The following CNBD1 variants were observed in gnomAD, a reference collection of about 807,000 sequenced individuals.
CNBD1 encodes cyclic nucleotide-binding domain-containing protein 1.
CNBD1 carries 71 observed loss-of-function variants against 54.4 expected under a neutral mutation model. The ratio of observed to expected loss-of-function variants is 1.30; its 90% CI spans 1.08 to 1.59. The LOEUF (loss-of-function observed/expected upper bound fraction) is 1.59. Ranked by LOEUF, CNBD1 falls within the 40% of genes most tolerant of loss-of-function variation. The probability of loss-of-function intolerance (pLI) is 0.00; values close to 1 mark genes in which losing one functional copy is unlikely to be tolerated. For synonymous variants in CNBD1, 182 were observed against 170.7 expected, an observed-to-expected ratio of 1.07 and a Z score of -0.51; for missense variants, 659 against 518.0, an observed-to-expected ratio of 1.27 and a Z score of -2.64.
Position 87,299,424 on chromosome 8 carries a change from G to T in CNBD1, c.1042+12753G>T, listed in dbSNP as rs1808942244. On this transcript the variant is annotated intron_variant, in intron 8 of 10. Transcript: ENST00000518476. ...GAAGCTTTTATTGCTGTAATAAACA[G>T]AAAGAAATAGACATATGGTTAAAAA... 2.6e-5 allele frequency among the ~76,000 whole-genome samples: 4 copies of T among 152,154 alleles called. No homozygotes were observed. In the South Asian group the frequency reaches 8.3e-4, roughly 31 times the overall value.
chr8:86,947,898 C>T (rs773363922), intron 4 of CNBD1, among the ~76,000 whole-genome samples: 1 of 152,074 alleles, frequency 6.6e-6, no homozygotes, highest in African/African-American at 2.4e-5. Flanking sequence ...CCTACCTCCT[C>T]CCAACCACCC....
intron 6 of CNBD1, among the ~76,000 whole-genome samples, chr8:87,273,368 T>C (rs1051988408): frequency 7.1e-6 from 1 of 141,652 alleles, no homozygotes; most frequent in African/African-American, 2.8e-5. Context: ...ACGTTCTGCC[T>C]CTTTACGATT....
At chr8:87,120,355 G>A (rs563169861) in intron 4 of CNBD1, among the ~76,000 whole-genome samples, 1 of 151,902 alleles carries the variant, frequency 6.6e-6, no homozygotes, top group African/African-American at 2.4e-5. Flanking sequence ...CATTTTGTCA[G>A]TGTATAGTTG....
intron 10 of CNBD1, among the ~76,000 whole-genome samples, chr8:87,361,185 G>T (rs1810518416): frequency 6.6e-6 from 1 of 151,850 alleles, no homozygotes; most frequent in African/African-American, 2.4e-5. Flanking sequence ...TTTTAAATCA[G>T]ATAAAAATGC....
At chr8:87,042,214 T>C (rs1294086770) in intron 4 of CNBD1, among the ~76,000 whole-genome samples, 25 of 152,218 alleles carry the variant, frequency 1.6e-4, no homozygotes, top group Non-Finnish European at 1.5e-4. Context: ...CTGTCTTAGA[T>C]ACTAACTTTG....
At chr8:87,264,243 T>A (rs1266913015) in intron 6 of CNBD1, among the ~76,000 whole-genome samples, 1 of 151,480 alleles carries the variant, frequency 6.6e-6, no homozygotes, top group Non-Finnish European at 1.5e-5. Flanking sequence ...TGAGAACATG[T>A]GGTGTTTGGT....
intron 3 of CNBD1, among the ~76,000 whole-genome samples, chr8:86,911,489 G>T (rs1323861481): frequency 6.6e-6 from 1 of 152,158 alleles, no homozygotes; most frequent in Non-Finnish European, 1.5e-5. Flanking sequence ...GTAGATGTAT[G>T]TATTTTTGGA....
At chr8:86,909,874 A>G (rs556890602) in intron 3 of CNBD1, among the ~76,000 whole-genome samples, 6 of 152,296 alleles carry the variant, frequency 3.9e-5, no homozygotes, top group African/African-American at 1.4e-4. Context: ...CCTTTTCTAT[A>G]TTGACATCCA....
intron 2 of CNBD1, among the ~76,000 whole-genome samples, chr8:87,421,946 G>T (rs1226450269): frequency 2.1e-4 from 31 of 149,354 alleles, no homozygotes; most frequent in Admixed American, 6.0e-4. Context: ...GTTGTTTCCT[G>T]ACTTTTTAAT....
rs1327098931 is a variant in CNBD1, at chr8:87,284,733, A to G, written c.827A>G (p.Glu276Gly). 4 of 1,605,412 alleles carry G rather than the reference A, an allele frequency of 2.5e-6. No homozygotes were observed. The African/African-American group carries it at 5.4e-5, about 22-fold the overall frequency. Reference sequence around the variant, plus strand: ...GAAGTTATGCCTCAGAATGAATCGGAAACACAGATGTTCTCGGTGGTGACA... The same window carrying G: ...GAAGTTATGCCTCAGAATGAATCGGGAACACAGATGTTCTCGGTGGTGACA... ...TLEVMPQNES[E>G]TQMFSVVTED... The change falls in exon 7 of 11, where the codon GAA becomes GGA. Residue 276 changes from glutamate (E) to glycine (G), a missense_variant. Transcript: ENST00000518476.
At chr8:87,079,313 T>C (rs970773111) in intron 4 of CNBD1, among the ~76,000 whole-genome samples, 1 of 152,132 alleles carries the variant, frequency 6.6e-6, no homozygotes, top group African/African-American at 2.4e-5. Context: ...TTTATGTAAA[T>C]GTTTTCATAG....
chr8:86,873,159 T>G (rs1341796276), intron 1 of CNBD1, among the ~76,000 whole-genome samples: 1 of 151,352 alleles, frequency 6.6e-6, no homozygotes, highest in Non-Finnish European at 1.5e-5. Flanking sequence ...TGGAGTGCAG[T>G]GGCACGATCT....
rs79635833 is a variant in CNBD1, at chr8:86,893,827, A to G, written c.158+6216A>G. 6.0e-3 allele frequency among the ~76,000 whole-genome samples: 918 copies of G among 152,024 alleles called. 8 individuals are homozygous for G. Among genetic ancestry groups the G allele is most frequent in the South Asian group, 0.021 (100 of 4,816 alleles). ...TGTTACCTTTTCTCTTTATTTCTCC[A>G]TGTGTTATAATTAGATTCTGCTGTT... On this transcript the variant is annotated intron_variant, in intron 2 of 10. Coordinates refer to ENST00000518476, the MANE Select transcript of CNBD1 (RefSeq NM_173538.3).
intron 4 of CNBD1, among the ~76,000 whole-genome samples, chr8:86,974,469 CAA>C (rs1245946358): frequency 6.6e-6 from 1 of 151,968 alleles, no homozygotes; most frequent in East Asian, 1.9e-4. Flanking sequence ...CCAAGAGACA[CAA>C]GATTATTCAC....
intron 3 of CNBD1, among the ~76,000 whole-genome samples, chr8:86,912,847 G>A (rs1809125447): frequency 6.6e-6 from 1 of 152,114 alleles, no homozygotes; most frequent in South Asian, 2.1e-4. Flanking sequence ...CAAGACATGG[G>A]TGTGGAAGAC....
chr8:86,962,601 C>T lies in CNBD1; in HGVS notation c.431+22847C>T, dbSNP rs551557483. On this transcript the variant is annotated intron_variant, in intron 4 of 10. Transcript: ENST00000518476. ...GAGATCAAGACCATCCTGGCTAACA[C>T]GGTGAAACACCGTCTCTACTAAAAA... is the stretch of plus-strand genomic sequence containing the variant. Among the ~76,000 whole-genome samples the T allele has an allele frequency of 1.9e-4, 29 of 152,022 alleles. No individual in the cohort carries two copies. The South Asian group carries it at 2.3e-3, about 12-fold the overall frequency.
chr8:87,386,830 G>C (rs1217061687), downstream of CNBD1, among the ~76,000 whole-genome samples: 3 of 152,142 alleles, frequency 2.0e-5, no homozygotes, highest in African/African-American at 7.2e-5. Context: ...TTGAAATGAA[G>C]GAAAAAATAT....
chr8:86,941,364 AG>A (rs1219523284), intron 4 of CNBD1, among the ~76,000 whole-genome samples: 4 of 152,214 alleles, frequency 2.6e-5, no homozygotes, highest in Admixed American at 1.3e-4. Flanking sequence ...AAGTGATCTA[AG>A]GCATACTATG....
At position 87,316,061 on chromosome 8, in the gene CNBD1, T is replaced by G. The variant is rs1415567904; in HGVS notation, c.1042+29390T>G. Among the ~76,000 whole-genome samples the G allele has an allele frequency of 2.6e-5, 4 of 152,100 alleles. No homozygotes were observed. The East Asian group carries it at 7.8e-4, about 29-fold the overall frequency. On this transcript the variant is annotated intron_variant, in intron 8 of 10. Coordinates refer to ENST00000518476, the MANE Select transcript of CNBD1 (RefSeq NM_173538.3). ...AATTGAAATATTCATCTCAGAGTAA[T>G]ATACTTGATCTTAGCCAAAAGGCTG...
Sources: allele counts gnomAD v4.1 joint callset (sites outside exome capture counted in the v4.1 genomes callset), GRCh38; gene constraint gnomAD v4.1.1; transcripts MANE v1.5; gene names NCBI Gene and HGNC (gene_info 2026-07-23, HGNC 2026-07-21).